Variants in EPS15 observed in about 807,000 individuals in gnomAD.
The protein encoded by EPS15 is epidermal growth factor receptor pathway substrate 15.
Under a neutral mutation model 113.8 loss-of-function variants are expected in EPS15, and 72 were observed. The ratio of observed to expected loss-of-function variants is 0.63; its 90% CI spans 0.52 to 0.77. The LOEUF (loss-of-function observed/expected upper bound fraction) is 0.77, where lower values mean the gene tolerates loss of function less well. EPS15 is among the 30% of genes least tolerant of loss of function. The pLI, the probability that EPS15 is intolerant of heterozygous loss-of-function variation, is 0.00. For synonymous variants in EPS15, 344 were observed against 363.4 expected (o/e 0.95, Z 0.61); for missense variants, 1,048 against 1,045.8 (o/e 1.00, Z -0.03).
Position 51,394,361 on chromosome 1 carries a change from T to C in EPS15, c.2119+20A>G, listed in dbSNP as rs1301891460. On this transcript the variant is annotated intron_variant, in intron 21 of 24. Coordinates refer to ENST00000371733, the MANE Select transcript of EPS15 (RefSeq NM_001981.3). ...AAAAAATGTTTAATGTTCAATGAAG[T>C]TGATAAATTATTTATTTACCTGAAT... 2.6e-6 allele frequency: 4 copies of C among 1,526,736 alleles called. No homozygotes were observed. Among genetic ancestry groups the C allele is most frequent in the East Asian group, 2.3e-5 (1 of 44,050 alleles). The allele number at this position is 1,526,736 out of a possible 1,614,324, so 94.6% of individuals were successfully genotyped here.
chr1:51,496,542 G>A (rs1385874023), intron 1 of EPS15, among the ~76,000 whole-genome samples: 2 of 152,040 alleles, frequency 1.3e-5, no homozygotes, highest in Non-Finnish European at 2.9e-5. Flanking sequence ...TTTTCCCCTA[G>A]TATCATAAAC....
intron 8 of EPS15, among the ~76,000 whole-genome samples, chr1:51,459,429 G>C (rs1325050897): frequency 1.3e-5 from 2 of 152,134 alleles, no homozygotes; most frequent in African/African-American, 2.4e-5. Context: ...TTGGGAGGCG[G>C]TGGTTGCAGT....
chr1:51,474,679 T>TA (rs1490946392), intron 2 of EPS15, among the ~76,000 whole-genome samples: 35 of 151,702 alleles, frequency 2.3e-4, no homozygotes, highest in African/African-American at 5.3e-4. Context: ...AGTTTTCTTT[T>TA]TTTATTATTA....
At chr1:51,426,120 C>T (rs549425420) in intron 12 of EPS15, among the ~76,000 whole-genome samples, 15 of 152,028 alleles carry the variant, frequency 9.9e-5, no homozygotes, top group Non-Finnish European at 1.6e-4. Context: ...CACAAGTCAC[C>T]TTACATCACT....
At chr1:51,484,273 A>G (rs1392849414) in intron 1 of EPS15, among the ~76,000 whole-genome samples, 6 of 152,004 alleles carry the variant, frequency 3.9e-5, no homozygotes, top group Admixed American at 2.6e-4. Context: ...AAAAGAAACT[A>G]TTATTGGGCC....
chr1:51,377,813 C>T (rs1431171664), intron 21 of EPS15, among the ~76,000 whole-genome samples: 1 of 152,034 alleles, frequency 6.6e-6, no homozygotes, highest in African/African-American at 2.4e-5. Context: ...ACACCTTGAT[C>T]AGTCGGCAGC....
At chr1:51,439,654 C>A (rs1272174891) in intron 12 of EPS15, among the ~76,000 whole-genome samples, 1 of 152,020 alleles carries the variant, frequency 6.6e-6, no homozygotes, top group Non-Finnish European at 1.5e-5. Context: ...TACTCAGATT[C>A]AAATCAAATT....
intron 1 of EPS15, among the ~76,000 whole-genome samples, chr1:51,493,817 G>C (rs902609716): frequency 2.6e-5 from 4 of 151,934 alleles, no homozygotes; most frequent in Admixed American, 6.5e-5. Flanking sequence ...GTTTTACTAT[G>C]TTGGCCAGGC....
intron 7 of EPS15, 86 bp from the exon 8 acceptor site, chr1:51,461,236 G>C: frequency 5.1e-6 from 5 of 981,692 alleles, no homozygotes; most frequent in South Asian, 1.4e-5. Context: ...TTATGAGCTA[G>C]GAATGGTGGC....
chr1:51,483,884 G>C (rs954653266), intron 1 of EPS15, among the ~76,000 whole-genome samples: 4 of 152,120 alleles, frequency 2.6e-5, no homozygotes, highest in African/African-American at 9.7e-5. Context: ...GCTATTGGGG[G>C]AGGATTGCTT....
At chr1:51,449,686 CAG>C (rs368528971) in intron 8 of EPS15, among the ~76,000 whole-genome samples, 4 of 151,734 alleles carry the variant, frequency 2.6e-5, no homozygotes, top group African/African-American at 9.7e-5. Flanking sequence ...ACACGGAAGA[CAG>C]AGTTATTACT....
At chr1:51,403,849 T>A (rs1648826214) in intron 16 of EPS15, among the ~76,000 whole-genome samples, 1 of 152,196 alleles carries the variant, frequency 6.6e-6, no homozygotes, top group Non-Finnish European at 1.5e-5. Context: ...TATAGTACTA[T>A]CATCTTTGGT....
chr1:51,514,693 A>C (rs1165961500), intron 1 of EPS15, among the ~76,000 whole-genome samples: 1 of 152,156 alleles, frequency 6.6e-6, no homozygotes. Flanking sequence ...ATAGAGTGAA[A>C]ACAAAGGAAT....
At chr1:51,419,007 G>A (rs1650501391) in intron 13 of EPS15, among the ~76,000 whole-genome samples, 1 of 152,014 alleles carries the variant, frequency 6.6e-6, no homozygotes, top group Non-Finnish European at 1.5e-5. Context: ...CTACTCAGAA[G>A]AAAAAAATTT....
In EPS15 at chr1:51,409,518, A is replaced by G; in HGVS notation, c.1275+17T>C. On this transcript the variant is annotated intron_variant, in intron 14 of 24. Transcript: ENST00000371733. ...CTAATGTATAGGTGCAGGCAGCAGG[A>G]AACAGCCAGACATTACCAGTTGGGC... is the stretch of plus-strand genomic sequence containing the variant. 6.3e-7 allele frequency: 1 copy of G among 1,597,224 alleles called. No homozygotes were observed. The highest frequency in any genetic ancestry group is 8.5e-7 in the Non-Finnish European group (1 of 1,175,206).
Position 51,465,162 on chromosome 1 carries a change from T to C in EPS15, c.375+99A>G, listed in dbSNP as rs946807050. Reference sequence around the variant, plus strand: ...TCTCCCCTACCTTTCCCTAAACATGTATGAAAGTCTAATGAAGATAGCAAT... The same window carrying C: ...TCTCCCCTACCTTTCCCTAAACATGCATGAAAGTCTAATGAAGATAGCAAT... On this transcript the variant is annotated intron_variant, in intron 6 of 24. Transcript: ENST00000371733. The C allele has an allele frequency of 1.5e-5, 10 of 681,202 alleles. No homozygotes were observed. The Admixed American group carries it at 2.0e-4, about 14-fold the overall frequency. 42.2% of individuals were successfully genotyped at this position (681,202 alleles called of 1,614,324 possible). A position where few individuals can be genotyped will look rare whatever the true frequency, so the allele number is the denominator to read the frequency against.
intron 2 of EPS15, among the ~76,000 whole-genome samples, chr1:51,475,384 G>A (rs577443528): frequency 7.4e-4 from 112 of 152,308 alleles, no homozygotes; most frequent in South Asian, 2.1e-3. Context: ...ACTGGTGTGA[G>A]ATGGTATCTC....
Position 51,463,682 on chromosome 1 carries a change from G to T in EPS15, c.492C>A (p.Ile164=). The change falls in exon 7 of 25, where the codon ATC becomes ATA. Residue 164 remains isoleucine (I), a synonymous_variant. Transcript: ENST00000371733. ...GTAAATAATATCTTACTCTTCCAAG[G>T]ATATCCACAGGTAACTTAGAGTTGA... ...VLLNSKLPVD[I]LGRVWELSDI... 1.9e-6 allele frequency: 3 copies of T among 1,586,142 alleles called. No homozygotes were observed. The highest frequency in any genetic ancestry group is 1.7e-6 in the Non-Finnish European group (2 of 1,158,222).
Position 51,472,900 on chromosome 1 carries a change from A to G in EPS15, c.124T>C (p.Phe42Leu), listed in dbSNP as rs1385456874. ...TCTGGAAGCCCTGATTTTTTCAGGA[A>G]AGCAGCAGCATCAGAAGCCAACACC... ...GRVLASDAAAFLKKSGLPDLI... is the reference protein window; with the variant it reads ...GRVLASDAAALLKKSGLPDLI... Residue 42 changes from phenylalanine to leucine, a missense_variant, in exon 3 of 25, where the codon TTC (phenylalanine) becomes CTC (leucine). Physicochemically the swap from Phe to Leu is conservative, Grantham distance 22. Transcript: ENST00000371733. 6.2e-7 allele frequency: 1 copy of G among 1,613,862 alleles called. No individual in the cohort carries two copies.
Sources: gnomAD v4.1 joint callset for allele counts (sites outside exome capture counted in the v4.1 genomes callset) on GRCh38, gnomAD v4.1.1 for gene constraint, MANE v1.5 for transcripts, NCBI Gene and HGNC (gene_info 2026-07-23, HGNC 2026-07-21) for gene names.